Variants in HPS1 observed in about 807,000 individuals in gnomAD.
HPS1 encodes HPS1 biogenesis of lysosomal organelles complex 3 subunit 1, also known as BLOC-3 complex member HPS1.
A neutral mutation model predicts 90.6 loss-of-function variants in HPS1; 59 were observed. The observed-to-expected ratio is 0.65, with a 90% CI of 0.53 to 0.81. HPS1 has a LOEUF of 0.81. Among genes scored for constraint, HPS1 ranks in the 30% least tolerant of loss-of-function variants. The probability of loss-of-function intolerance (pLI) is 0.00; values close to 1 mark genes in which losing one functional copy is unlikely to be tolerated. For missense variants in HPS1, 849 were observed against 896.7 expected, an observed-to-expected ratio of 0.95 and a Z score of 0.68; for synonymous variants, 388 against 384.4, an observed-to-expected ratio of 1.01 and a Z score of -0.11.
intron 14 of HPS1, 121 bp from the exon 15 acceptor site, chr10:98,424,008 G>T: frequency 7.3e-7 from 1 of 1,363,412 alleles, no homozygotes; most frequent in East Asian, 2.3e-5. Context: ...CCCCCTTGTG[G>T]ACCACCCCAC....
intron 10 of HPS1, 141 bp downstream of exon 10, chr10:98,429,432 C>A (rs1203754518): frequency 1.3e-6 from 2 of 1,553,142 alleles, no homozygotes; most frequent in Non-Finnish European, 1.7e-6. Context: ...CCGCAGACAG[C>A]GTCCTGTGCT....
intron 3 of HPS1, chr10:98,442,817 T>A (rs994412190): frequency 5.0e-6 from 2 of 401,608 alleles, no homozygotes; most frequent in African/African-American, 4.1e-5. Flanking sequence ...CTTGTTAAAC[T>A]TTTTAGGTTA....
chr10:98,413,960 G>A (rs772197065), downstream of HPS1: 1 of 152,036 alleles, frequency 6.6e-6, no homozygotes, highest in Non-Finnish European at 1.5e-5. Context: ...TAAATTGAGA[G>A]TATTGTATCT....
rs760600675 is a variant in HPS1, at chr10:98,423,897, A to T, written c.1398-10T>A. Reference sequence around the variant, plus strand: ...ACATGCCTGGAGCAGCCTGAGCACGAGAGAGGAGGGCATTACAGCAGAAGG... The same window carrying T: ...ACATGCCTGGAGCAGCCTGAGCACGTGAGAGGAGGGCATTACAGCAGAAGG... On this transcript the variant is annotated splice_polypyrimidine_tract_variant and intron_variant, in intron 14 of 19. Coordinates refer to ENST00000361490, the MANE Select transcript of HPS1 (RefSeq NM_000195.5). 1.2e-6 allele frequency: 2 copies of T among 1,613,268 alleles called. No homozygotes were observed. Among genetic ancestry groups the T allele is most frequent in the Admixed American group, 3.3e-5 (2 of 60,028 alleles).
At chr10:98,422,805 G>A (rs1453336817) in intron 16 of HPS1, among the ~76,000 whole-genome samples, 1 of 152,232 alleles carries the variant, frequency 6.6e-6, no homozygotes, top group Admixed American at 6.5e-5. Context: ...ATGAATTTAA[G>A]TCAGACACAC....
chr10:98,415,676 C>T (rs1844007513), downstream of HPS1, among the ~76,000 whole-genome samples: 1 of 152,242 alleles, frequency 6.6e-6, no homozygotes. Context: ...CCAGGGCGGC[C>T]ATCTAGCGTC....
At chr10:98,441,558 T>C (rs1938424829) in intron 3 of HPS1, among the ~76,000 whole-genome samples, 1 of 152,178 alleles carries the variant, frequency 6.6e-6, no homozygotes, top group Admixed American at 6.5e-5. Context: ...AAAGATACCA[T>C]TGAGAATACA....
At position 98,435,467 on chromosome 10, in the gene HPS1, CT is replaced by C; in HGVS notation, c.256-54del. On this transcript the variant is annotated intron_variant, in intron 4 of 19. Transcript: ENST00000361490. This position sits in a 1 kb window ranked among gnomAD's most constrained non-coding sequence, Gnocchi z 4.3. The stretch of plus-strand genomic sequence containing the variant: ...CCAGCCCCAAGGGCACTCCCTTCAC[CT>C]GCCCTGGTCTCTGCAGACAAGCCAG... 1 of 1,613,418 alleles carries C rather than the reference CT, an allele frequency of 6.2e-7. No homozygotes were observed.
chr10:98,420,539 C>A (rs1219723261), intron 17 of HPS1, among the ~76,000 whole-genome samples: 1 of 151,988 alleles, frequency 6.6e-6, no homozygotes, highest in Non-Finnish European at 1.5e-5. Flanking sequence ...CATAGCAAAA[C>A]CCTGTCTCTA....
chr10:98,423,806 C>T lies in HPS1; in HGVS notation c.1479G>A (p.Arg493=), dbSNP rs934000557. ...GGTGCTGGGGCAGGTGTGGGCCTCC[C>T]CTGCTGGGGGCTGTGGTCAGAAAGT... is the stretch of plus-strand genomic sequence containing the variant. ...RLNFLTTAPS[R]GGPHLPQHLQ... The change falls in exon 15 of 20, where the codon AGG becomes AGA. Residue 493 remains arginine (R), a synonymous_variant. Coordinates refer to ENST00000361490, the MANE Select transcript of HPS1 (RefSeq NM_000195.5). 1 of 1,614,032 alleles carries T rather than the reference C, an allele frequency of 6.2e-7. No homozygotes were observed. The highest frequency in any genetic ancestry group is 1.1e-5 in the South Asian group (1 of 91,080).
rs190826371 is a variant in HPS1, at chr10:98,417,096, G to T, written c.*468C>A. The T allele has an allele frequency of 6.4e-5, 10 of 157,044 alleles. No individual in the cohort carries two copies. The highest frequency in any genetic ancestry group is 1.4e-5 in the Non-Finnish European group (1 of 71,236). 9.7% of individuals were successfully genotyped at this position (157,044 alleles called of 1,614,324 possible). On this transcript the variant is annotated 3_prime_UTR_variant, in exon 20 of 20. Transcript: ENST00000361490. This position sits in a 1 kb window ranked among gnomAD's most constrained non-coding sequence, Gnocchi z 4.2. ...ATCCTCACACCACCCTGGGACGGAG[G>T]TGCCATCGCTTTAAACGTGGGGAAT...
intron 3 of HPS1, among the ~76,000 whole-genome samples, chr10:98,442,015 T>G (rs1183453019): frequency 6.6e-6 from 1 of 152,264 alleles, no homozygotes; most frequent in Non-Finnish European, 1.5e-5. Flanking sequence ...ATACATAGAC[T>G]TGTACGTGCA....
In HPS1 at chr10:98,419,803, C is replaced by T. The variant is rs1844616448; in HGVS notation, c.1857+242G>A. 2.0e-5 allele frequency among the ~76,000 whole-genome samples: 3 copies of T among 152,334 alleles called. No individual in the cohort carries two copies. The South Asian group carries it at 6.2e-4, about 32-fold the overall frequency. ...ATGTGCCTTTCTGCTCACATGTGTGCCTGGATGCCACGTGGACAATGGCAA... is the reference window on the plus strand; with the variant it reads ...ATGTGCCTTTCTGCTCACATGTGTGTCTGGATGCCACGTGGACAATGGCAA... On this transcript the variant is annotated intron_variant, in intron 18 of 19. Transcript: ENST00000361490.
intron 2 of HPS1, among the ~76,000 whole-genome samples, chr10:98,443,590 C>T (rs2136333114): frequency 6.6e-6 from 1 of 152,292 alleles, no homozygotes; most frequent in Non-Finnish European, 1.5e-5. Context: ...CAGACTGGCA[C>T]AGGAAGGGAC....
intron 8 of HPS1, 126 bp downstream of exon 8, chr10:98,430,445 C>G (rs1806202264): frequency 2.7e-6 from 2 of 751,348 alleles, no homozygotes; most frequent in Admixed American, 2.0e-5. Flanking sequence ...CACGCCCAAC[C>G]ACACACCCAG....
At chr10:98,425,395 G>A (rs1340515246) in intron 13 of HPS1, 146 bp downstream of exon 13, 9 of 752,170 alleles carry the variant, frequency 1.2e-5, no homozygotes, top group South Asian at 7.9e-5. Context: ...TTTCATAATA[G>A]GGAAAACAAG....
intron 6 of HPS1, among the ~76,000 whole-genome samples, chr10:98,433,316 T>A (rs1469039955): frequency 6.6e-6 from 1 of 151,552 alleles, no homozygotes; most frequent in Non-Finnish European, 1.5e-5. Context: ...TGAGGCCCAG[T>A]AACCTGTATT....
chr10:98,441,937 C>T (rs1212172597), intron 3 of HPS1, among the ~76,000 whole-genome samples: 1 of 152,200 alleles, frequency 6.6e-6, no homozygotes, highest in Admixed American at 6.5e-5. Context: ...TAAAAAGTTA[C>T]ACATACACCT....
chr10:98,422,304 AC>A, intron 17 of HPS1, 64 bp downstream of exon 17: 1 of 1,582,778 alleles, frequency 6.3e-7, no homozygotes, highest in Non-Finnish European at 8.7e-7. Context: ...TGTGGATCAC[AC>A]CAGGAAGGGC....
Sources: allele counts gnomAD v4.1 joint callset (sites outside exome capture counted in the v4.1 genomes callset), GRCh38; gene constraint gnomAD v4.1.1; non-coding constraint Gnocchi (gnomAD v3.1); transcripts MANE v1.5; gene names NCBI Gene and HGNC (gene_info 2026-07-23, HGNC 2026-07-21).